SPAG16: variants seen among roughly 807,000 people sequenced by gnomAD.
SPAG16 encodes sperm-associated antigen 16 protein.
In SPAG16, 86 loss-of-function variants were observed where a neutral mutation model predicts 80.4. The observed-to-expected ratio is 1.07, with a 90% confidence interval of 0.90 to 1.28. SPAG16 has a LOEUF of 1.28. Among genes scored for constraint, SPAG16 ranks in the 50% most tolerant of loss-of-function variants. SPAG16 has a pLI of 0.00. For missense variants in SPAG16, 870 were observed against 765.3 expected (o/e 1.14, Z -1.61); for synonymous variants, 294 against 265.9 (o/e 1.11, Z -1.03).
At chr2:213,566,942 A>G (rs1355015214) in intron 10 of SPAG16, among the ~76,000 whole-genome samples, 1 of 152,144 alleles carries the variant, frequency 6.6e-6, no homozygotes, top group Admixed American at 6.6e-5. Context: ...CTAGCACTTA[A>G]TTTTCTTATC....
intron 10 of SPAG16, among the ~76,000 whole-genome samples, chr2:213,602,781 C>G (rs756260338): frequency 6.6e-6 from 1 of 152,168 alleles, no homozygotes; most frequent in African/African-American, 2.4e-5. Context: ...TTACCAATTT[C>G]TTAGTTTTAT....
chr2:214,389,073 A>ATATT (rs1314847859), intron 15 of SPAG16, among the ~76,000 whole-genome samples: 1 of 152,204 alleles, frequency 6.6e-6, no homozygotes, highest in Non-Finnish European at 1.5e-5. Flanking sequence ...ATCAAGAGAA[A>ATATT]TATTTCTCTA....
chr2:213,717,156 A>T (rs12468299), intron 10 of SPAG16, among the ~76,000 whole-genome samples: 66,942 of 144,056 alleles, frequency 0.46, 16,549 homozygotes, highest in Non-Finnish European at 0.56. Flanking sequence ...GAAACTTTTC[A>T]TTTTTTTTTT....
intron 12 of SPAG16, among the ~76,000 whole-genome samples, chr2:213,973,597 G>C (rs565626238): frequency 1.1e-4 from 16 of 151,608 alleles, no homozygotes; most frequent in Admixed American, 3.9e-4. Context: ...GGGCGAGTAA[G>C]AATGCCACAA....
At position 213,417,651 on chromosome 2, in the gene SPAG16, C is replaced by T. The variant is rs2069335819; in HGVS notation, c.942+42532C>T. 2.6e-5 allele frequency among the ~76,000 whole-genome samples: 4 copies of T among 152,216 alleles called. No homozygotes were observed. The South Asian group carries it at 8.3e-4, about 32-fold the overall frequency. On this transcript the variant is annotated intron_variant, in intron 9 of 15. Transcript: ENST00000331683. Reference sequence around the variant, plus strand: ...AAAATACTATATTCACATGGCAAAACATTCAGAAAGTATATTAAGGCATAA... The same window carrying T: ...AAAATACTATATTCACATGGCAAAATATTCAGAAAGTATATTAAGGCATAA...
intron 15 of SPAG16, among the ~76,000 whole-genome samples, chr2:214,186,516 A>C (rs977694321): frequency 9.2e-5 from 14 of 152,230 alleles, no homozygotes; most frequent in Middle Eastern, 3.4e-3. Flanking sequence ...GAAGAGTTAC[A>C]GATGAATCTG....
chr2:213,501,512 A>G (rs1008758646), intron 10 of SPAG16, among the ~76,000 whole-genome samples: 3 of 152,192 alleles, frequency 2.0e-5, no homozygotes, highest in Non-Finnish European at 2.9e-5. Context: ...AAACACTATC[A>G]GGGAACTGAC....
At chr2:213,390,809 TTTA>T (rs2067705018) in intron 9 of SPAG16, among the ~76,000 whole-genome samples, 1 of 151,380 alleles carries the variant, frequency 6.6e-6, no homozygotes, top group South Asian at 2.1e-4. Flanking sequence ...TAATTTTATG[TTTA>T]TTAATCAATA....
At chr2:213,295,952 C>T (rs778029949) in intron 1 of SPAG16, 112 bp from the exon 2 acceptor site, 9 of 802,052 alleles carry the variant, frequency 1.1e-5, no homozygotes, top group Non-Finnish European at 1.6e-5. Flanking sequence ...ATATATTTAC[C>T]AACTTCCTGG....
chr2:213,395,789 A>C (rs933998445), intron 9 of SPAG16, among the ~76,000 whole-genome samples: 2 of 151,838 alleles, frequency 1.3e-5, no homozygotes, highest in Non-Finnish European at 2.9e-5. Flanking sequence ...GGGACAGTTG[A>C]GTCTACACCA....
chr2:214,248,726 C>T (rs1690037130), intron 15 of SPAG16, among the ~76,000 whole-genome samples: 1 of 151,796 alleles, frequency 6.6e-6, no homozygotes, highest in Non-Finnish European at 1.5e-5. Flanking sequence ...AACAAATGAA[C>T]AAATAAGTAT....
chr2:214,255,187 T>C (rs1002673147), intron 15 of SPAG16, among the ~76,000 whole-genome samples: 10 of 152,062 alleles, frequency 6.6e-5, no homozygotes, highest in Non-Finnish European at 1.3e-4. Context: ...AATCAGTGTC[T>C]ATCTGGCATC....
chr2:213,750,267 G>A (rs2068020485), intron 10 of SPAG16, among the ~76,000 whole-genome samples: 1 of 152,172 alleles, frequency 6.6e-6, no homozygotes, highest in African/African-American at 2.4e-5. Context: ...AGTAATGCCA[G>A]CTGCCTGCAT....
chr2:213,725,071 G>A (rs1346331), intron 10 of SPAG16, among the ~76,000 whole-genome samples: 140,267 of 151,640 alleles, frequency 0.93, 65,894 homozygotes, highest in East Asian at 1. Flanking sequence ...TGGCTCTGTC[G>A]CCCAGGCTGG....
At chr2:213,319,686 A>G (rs189048632) in intron 5 of SPAG16, among the ~76,000 whole-genome samples, 2 of 151,916 alleles carry the variant, frequency 1.3e-5, no homozygotes, top group Admixed American at 1.3e-4. Context: ...GAGTTTGCTA[A>G]TTTTCTTTTA....
At chr2:213,637,987 G>C (rs557778645) in intron 10 of SPAG16, among the ~76,000 whole-genome samples, 1 of 152,258 alleles carries the variant, frequency 6.6e-6, no homozygotes, top group Non-Finnish European at 1.5e-5. Flanking sequence ...TCGATTTCCT[G>C]ACCTCGTGAT....
chr2:213,407,975 G>GGAGA (rs113044009), intron 9 of SPAG16, among the ~76,000 whole-genome samples: 1 of 105,820 alleles, frequency 9.5e-6, no homozygotes, highest in Non-Finnish European at 2.0e-5. Flanking sequence ...GAGAGAGACA[G>GGAGA]GAGAGAGAGA....
chr2:213,606,558 T>C (rs2061267684), intron 10 of SPAG16, among the ~76,000 whole-genome samples: 1 of 152,260 alleles, frequency 6.6e-6, no homozygotes, highest in Admixed American at 6.5e-5. Context: ...TAATTACAAA[T>C]AATGTGGCAT....
At chr2:213,592,015 G>C (rs771471005) in intron 10 of SPAG16, among the ~76,000 whole-genome samples, 1 of 152,196 alleles carries the variant, frequency 6.6e-6, no homozygotes, top group African/African-American at 2.4e-5. Context: ...TCAGTCGGGA[G>C]AGAATATTGT....
Sources: allele counts gnomAD v4.1 joint callset (sites outside exome capture counted in the v4.1 genomes callset), GRCh38; gene constraint gnomAD v4.1.1; transcripts MANE v1.5; gene names NCBI Gene and HGNC (gene_info 2026-07-23, HGNC 2026-07-21).